DLG2: variants seen among roughly 807,000 people sequenced by gnomAD.
DLG2 encodes discs large MAGUK scaffold protein 2.
Under a neutral mutation model 132.5 loss-of-function variants are expected in DLG2, and 45 were observed. That is an observed-to-expected ratio of 0.34 (90% CI 0.27 to 0.44). The LOEUF is 0.44. Ranked by LOEUF, DLG2 falls within the 20% of genes least tolerant of loss-of-function variation. DLG2 has a pLI of 1.00. For missense variants in DLG2, 1,045 were observed against 1,196.9 expected (o/e 0.87, Z 1.87); for synonymous variants, 424 against 419.6 (o/e 1.01, Z -0.13).
chr11:83,539,933 A>C (rs1243738564), intron 20 of DLG2, among the ~76,000 whole-genome samples: 1 of 152,212 alleles, frequency 6.6e-6, no homozygotes, highest in Non-Finnish European at 1.5e-5. Flanking sequence ...GATTGGTTAG[A>C]ATCATAGAAC....
chr11:84,202,846 C>A (rs1448650000), intron 8 of DLG2, among the ~76,000 whole-genome samples: 4 of 152,150 alleles, frequency 2.6e-5, no homozygotes, highest in East Asian at 3.9e-4. Flanking sequence ...ACGTGGCCAA[C>A]AAACATATGA....
intron 4 of DLG2, among the ~76,000 whole-genome samples, chr11:85,155,522 G>A (rs1335648546): frequency 6.6e-6 from 1 of 152,068 alleles, no homozygotes; most frequent in Non-Finnish European, 1.5e-5. Context: ...ACATCTTTAG[G>A]AACTGGGTAG....
intron 16 of DLG2, among the ~76,000 whole-genome samples, chr11:83,864,772 C>T (rs1256886801): frequency 6.6e-6 from 1 of 151,878 alleles, no homozygotes; most frequent in Non-Finnish European, 1.5e-5. Flanking sequence ...AAACAGAAAT[C>T]CTGATGGAAT....
intron 5 of DLG2, among the ~76,000 whole-genome samples, chr11:85,144,716 T>C (rs988290806): frequency 1.2e-4 from 18 of 152,150 alleles, no homozygotes; most frequent in African/African-American, 4.1e-4. Flanking sequence ...AAAAAAAAAC[T>C]CTACACTTTA....
At chr11:84,703,078 C>T (rs2059372972) in intron 6 of DLG2, among the ~76,000 whole-genome samples, 1 of 151,520 alleles carries the variant, frequency 6.6e-6, no homozygotes, top group Non-Finnish European at 1.5e-5. Context: ...ACCAAAAATT[C>T]TTAAAAATAA....
At chr11:84,533,702 A>G (rs561883872) in intron 7 of DLG2, among the ~76,000 whole-genome samples, 1 of 152,180 alleles carries the variant, frequency 6.6e-6, no homozygotes, top group South Asian at 2.1e-4. Context: ...AGCTGTGTAG[A>G]AGTGCTGGCA....
chr11:85,186,181 C>T (rs2080083388), intron 4 of DLG2, among the ~76,000 whole-genome samples: 1 of 151,770 alleles, frequency 6.6e-6, no homozygotes, highest in African/African-American at 2.4e-5. Flanking sequence ...AATTGTGAGC[C>T]ATAGTAAAAT....
chr11:83,572,882 G>T (rs899649397), intron 19 of DLG2, among the ~76,000 whole-genome samples: 1 of 152,094 alleles, frequency 6.6e-6, no homozygotes, highest in South Asian at 2.1e-4. Context: ...TCTAAATAAT[G>T]ATAGTGACAC....
At chr11:83,980,365 GT>G in intron 12 of DLG2, 140 bp downstream of exon 12, 1 of 942,332 alleles carries the variant, frequency 1.1e-6, no homozygotes, top group African/African-American at 1.7e-5. Flanking sequence ...CTCCAGAATT[GT>G]GAGAAAATAG....
chr11:83,782,367 C>T (rs1240370506), intron 18 of DLG2, among the ~76,000 whole-genome samples: 1 of 152,154 alleles, frequency 6.6e-6, no homozygotes. Flanking sequence ...TGGATTAACA[C>T]AAGATATAAA....
chr11:84,691,260 G>C (rs531924172), intron 6 of DLG2, among the ~76,000 whole-genome samples: 7 of 151,566 alleles, frequency 4.6e-5, no homozygotes, highest in African/African-American at 7.3e-5. Context: ...CCTCCACTAG[G>C]CTTCAAGCTT....
intron 9 of DLG2, among the ~76,000 whole-genome samples, chr11:84,138,897 C>T (rs372109877): frequency 1.4e-5 from 2 of 146,122 alleles, no homozygotes; most frequent in East Asian, 2.0e-4. Context: ...TGCAATGAGC[C>T]GAGATCATGC....
chr11:84,114,190 T>C (rs923583230), intron 9 of DLG2, among the ~76,000 whole-genome samples: 3 of 152,084 alleles, frequency 2.0e-5, no homozygotes, highest in Admixed American at 1.3e-4. Context: ...TCGAATACGG[T>C]AAATACTGTA....
At chr11:84,677,757 G>A (rs1254960340) in intron 6 of DLG2, among the ~76,000 whole-genome samples, 1 of 152,030 alleles carries the variant, frequency 6.6e-6, no homozygotes, top group Non-Finnish European at 1.5e-5. Flanking sequence ...GCTGGGTGCA[G>A]TAGCATGCAC....
chr11:84,045,904 G>T (rs549431811), intron 11 of DLG2, among the ~76,000 whole-genome samples: 2 of 151,508 alleles, frequency 1.3e-5, no homozygotes, highest in East Asian at 3.9e-4. Flanking sequence ...AGAGTTGTCC[G>T]CTGTAGCCGT....
intron 3 of DLG2, among the ~76,000 whole-genome samples, chr11:85,341,947 TA>T (rs1221921155): frequency 6.6e-6 from 1 of 152,136 alleles, no homozygotes; most frequent in Non-Finnish European, 1.5e-5. Flanking sequence ...AAACATATGG[TA>T]AAAAATATAA....
At chr11:85,460,701 A>C (rs890218204) in intron 3 of DLG2, among the ~76,000 whole-genome samples, 1 of 152,150 alleles carries the variant, frequency 6.6e-6, no homozygotes, top group African/African-American at 2.4e-5. Flanking sequence ...TCAATATTTT[A>C]ATCAATTTGC....
rs116238245 is a variant in DLG2, at chr11:83,702,928, A to T, written c.1826-69603T>A. On this transcript the variant is annotated intron_variant, in intron 18 of 27. Coordinates refer to ENST00000376104, the MANE Select transcript of DLG2 (RefSeq NM_001142699.3). The stretch of plus-strand genomic sequence containing the variant: ...ATGGGAAGAAAGCAAATATACTCTG[A>T]TGGTAAGGAATTGCAGTTCTTCCGA... Among the ~76,000 whole-genome samples the T allele has an allele frequency of 6.2e-3, 941 of 152,344 alleles. 15 individuals are homozygous for T. The highest frequency in any genetic ancestry group is 0.018 in the African/African-American group (759 of 41,576).
rs760832594 is a variant in DLG2, at chr11:83,945,934, G to GTCCTTCCTTCCT, written c.1341-15463_1341-15452dup. Among the ~76,000 whole-genome samples, 1,110 of 136,046 alleles carry GTCCTTCCTTCCT rather than the reference G, an allele frequency of 8.2e-3. 21 individuals are homozygous for GTCCTTCCTTCCT. Among genetic ancestry groups the GTCCTTCCTTCCT allele is most frequent in the African/African-American group, 0.027 (982 of 36,584 alleles). The allele number at this position is 136,046 out of a possible 152,430, so 89.3% of individuals were successfully genotyped here. On this transcript the variant is annotated intron_variant, in intron 14 of 27. Coordinates refer to ENST00000376104, the MANE Select transcript of DLG2 (RefSeq NM_001142699.3). Reference sequence around the variant, plus strand: ...TTTCCTTCTTTCCTTCCTTCCTTCCGTCCTTCCTTCCTTCCTTCCTTTCCT... The same window carrying GTCCTTCCTTCCT: ...TTTCCTTCTTTCCTTCCTTCCTTCCGTCCTTCCTTCCTTCCTTCCTTCCTTCCTTCCTTTCCT...
Sources: gnomAD v4.1 joint callset for allele counts (sites outside exome capture counted in the v4.1 genomes callset) on GRCh38, gnomAD v4.1.1 for gene constraint, MANE v1.5 for transcripts, NCBI Gene and HGNC (gene_info 2026-07-23, HGNC 2026-07-21) for gene names.